The following LRBA variants were observed in gnomAD, a reference collection of about 807,000 sequenced individuals.
LRBA encodes lipopolysaccharide-responsive and beige-like anchor protein.
LRBA carries 176 observed loss-of-function variants against 330.0 expected under a neutral mutation model. The ratio of observed to expected loss-of-function variants is 0.53; its 90% confidence interval spans 0.47 to 0.60. LRBA has a LOEUF of 0.60. Among genes scored for constraint, LRBA ranks in the 20% least tolerant of loss-of-function variants. The pLI, the probability that LRBA is intolerant of heterozygous loss-of-function variation, is 0.00. For missense variants in LRBA, 3,259 were observed against 3,444.8 expected, an observed-to-expected ratio of 0.95 and a Z score of 1.35; for synonymous variants, 1,230 against 1,193.0, an observed-to-expected ratio of 1.03 and a Z score of -0.64.
chr4:150,457,664 A>T (rs1021336079), intron 44 of LRBA, among the ~76,000 whole-genome samples: 3 of 150,850 alleles, frequency 2.0e-5, no homozygotes, highest in East Asian at 1.9e-4. Context: ...TTCTATAATT[A>T]AAAAAAAATA....
intron 37 of LRBA, among the ~76,000 whole-genome samples, chr4:150,631,419 C>T (rs1180497937): frequency 1.3e-5 from 2 of 151,816 alleles, no homozygotes; most frequent in African/African-American, 4.8e-5. Context: ...TGGAAGGCAT[C>T]CAATTTAGGA....
chr4:150,701,347 A>AT (rs1336263952), intron 36 of LRBA, among the ~76,000 whole-genome samples: 1 of 152,228 alleles, frequency 6.6e-6, no homozygotes, highest in African/African-American at 2.4e-5. Context: ...AATAACAAGC[A>AT]TAGTATAGTA....
At chr4:150,776,236 G>A (rs1737315758) in intron 34 of LRBA, among the ~76,000 whole-genome samples, 2 of 152,002 alleles carry the variant, frequency 1.3e-5, no homozygotes, top group Admixed American at 6.6e-5. Flanking sequence ...AGAATCCCTT[G>A]AACCCAGGAG....
rs550986738 is a variant in LRBA at position 150,556,764 on chromosome 4, G to A, written c.6330+31284C>T. On this transcript the variant is annotated intron_variant, in intron 40 of 56. Transcript: ENST00000651943. ...CTTTATGCATGCACAAATGCAATTTGTCATTAAATTTACAAATGTTGTGGT... is the reference window on the plus strand; with the variant it reads ...CTTTATGCATGCACAAATGCAATTTATCATTAAATTTACAAATGTTGTGGT... Among the ~76,000 whole-genome samples the A allele has an allele frequency of 6.6e-5, 10 of 152,290 alleles. No individual in the cohort carries two copies. The South Asian group carries it at 2.1e-3, about 32-fold the overall frequency.
At chr4:150,430,993 G>GA (rs34130702) in intron 46 of LRBA, among the ~76,000 whole-genome samples, 91,889 of 151,814 alleles carry the variant, frequency 0.61, 31,220 homozygotes, top group Non-Finnish European at 0.75. Context: ...AAGAGAAGGG[G>GA]AAAAAATCAA....
At chr4:150,719,361 C>A (rs1212078716) in intron 36 of LRBA, among the ~76,000 whole-genome samples, 1 of 151,918 alleles carries the variant, frequency 6.6e-6, no homozygotes, top group Admixed American at 6.6e-5. Flanking sequence ...CCCATAGTTA[C>A]AACAAAGAAA....
At chr4:150,447,747 C>T (rs532798237) in intron 44 of LRBA, among the ~76,000 whole-genome samples, 21 of 152,260 alleles carry the variant, frequency 1.4e-4, no homozygotes, top group Middle Eastern at 3.4e-3. Flanking sequence ...TAGAGTATTT[C>T]TTCATATTTT....
At chr4:151,005,561 CT>C (rs1288366249) in intron 2 of LRBA, among the ~76,000 whole-genome samples, 5 of 107,384 alleles carry the variant, frequency 4.7e-5, no homozygotes, top group African/African-American at 1.9e-4. Flanking sequence ...TGACACTGTT[CT>C]TTTTTTTTTT....
chr4:150,526,128 A>C (rs1763449523), intron 40 of LRBA, among the ~76,000 whole-genome samples: 1 of 152,202 alleles, frequency 6.6e-6, no homozygotes, highest in Non-Finnish European at 1.5e-5. Flanking sequence ...AGATCTACAG[A>C]AAGCAACATT....
intron 36 of LRBA, among the ~76,000 whole-genome samples, 167 bp downstream of exon 36, chr4:150,735,091 A>G (rs1329806317): frequency 6.6e-6 from 1 of 152,164 alleles, no homozygotes; most frequent in East Asian, 1.9e-4. Context: ...GGCTAAAGAG[A>G]CATGTACTAT....
chr4:150,716,157 T>C (rs1728172794), intron 36 of LRBA, among the ~76,000 whole-genome samples: 1 of 152,008 alleles, frequency 6.6e-6, no homozygotes, highest in East Asian at 1.9e-4. Flanking sequence ...AACATAAAAA[T>C]TGCTAATTGG....
At chr4:150,912,681 G>A (rs1732145545) in intron 9 of LRBA, among the ~76,000 whole-genome samples, 1 of 152,006 alleles carries the variant, frequency 6.6e-6, no homozygotes, top group African/African-American at 2.4e-5. Flanking sequence ...AAAAGGTTGG[G>A]GACTGCTGCT....
intron 46 of LRBA, among the ~76,000 whole-genome samples, chr4:150,427,460 T>C (rs1467921812): frequency 1.3e-5 from 2 of 151,968 alleles, no homozygotes. Flanking sequence ...TAAAGAGATG[T>C]GGCTAAATTA....
chr4:150,447,515 C>T (rs1258331965), intron 44 of LRBA, among the ~76,000 whole-genome samples: 1 of 152,156 alleles, frequency 6.6e-6, no homozygotes, highest in Non-Finnish European at 1.5e-5. Flanking sequence ...GGTTCTCAGG[C>T]CTTTAGACCT....
chr4:150,885,086 A>T (rs1728800678), intron 17 of LRBA, among the ~76,000 whole-genome samples: 1 of 152,016 alleles, frequency 6.6e-6, no homozygotes, highest in Non-Finnish European at 1.5e-5. Context: ...TCAAAGATAA[A>T]TCAATATAAA....
At chr4:150,559,925 TAA>T (rs1294737738) in intron 40 of LRBA, among the ~76,000 whole-genome samples, 7 of 97,362 alleles carry the variant, frequency 7.2e-5, no homozygotes, top group Admixed American at 3.7e-4. Context: ...TATATAAATA[TAA>T]ATATATATAT....
At chr4:150,282,411 T>C (rs749637668) in intron 55 of LRBA, 39 bp downstream of exon 55, 2 of 1,571,998 alleles carry the variant, frequency 1.3e-6, no homozygotes, top group Non-Finnish European at 8.7e-7. Context: ...CACGTTGAGG[T>C]AAAAGTCGTG....
chr4:150,539,856 A>C (rs1765124227), intron 40 of LRBA, among the ~76,000 whole-genome samples: 1 of 152,242 alleles, frequency 6.6e-6, no homozygotes, highest in Non-Finnish European at 1.5e-5. Flanking sequence ...TGTATATTTT[A>C]TCAGAAATAA....
intron 17 of LRBA, among the ~76,000 whole-genome samples, chr4:150,885,463 A>C (rs931097245): frequency 6.6e-6 from 1 of 152,082 alleles, no homozygotes; most frequent in Non-Finnish European, 1.5e-5. Context: ...TCTACTAAAA[A>C]TACAAAAATT....
Sources: gnomAD v4.1 joint callset for allele counts (sites outside exome capture counted in the v4.1 genomes callset) on GRCh38, gnomAD v4.1.1 for gene constraint, MANE v1.5 for transcripts, NCBI Gene and HGNC (gene_info 2026-07-23, HGNC 2026-07-21) for gene names.